Variants in AGPAT3 observed in about 807,000 individuals in gnomAD.
AGPAT3 encodes 1-acylglycerol-3-phosphate O-acyltransferase 3, also known as 1-acyl-sn-glycerol-3-phosphate acyltransferase gamma.
AGPAT3 carries 5 observed loss-of-function variants against 47.3 expected under a neutral mutation model. The observed-to-expected ratio is 0.11, with a 90% CI of 0.06 to 0.22. The LOEUF (loss-of-function observed/expected upper bound fraction) is 0.22. Ranked by LOEUF, AGPAT3 falls within the 10% of genes least tolerant of loss-of-function variation. The pLI, the probability that AGPAT3 is intolerant of heterozygous loss-of-function variation, is 1.00. For synonymous variants in AGPAT3, 212 were observed against 208.3 expected (o/e 1.02, Z -0.15); for missense variants, 315 against 493.0 (o/e 0.64, Z 3.42).
chr21:43,976,817 G>A (rs984582166), intron 7 of AGPAT3, among the ~76,000 whole-genome samples: 1 of 152,204 alleles, frequency 6.6e-6, no homozygotes, highest in Non-Finnish European at 1.5e-5. Context: ...CCTACCTGAC[G>A]TCTTGCCGTG....
At chr21:43,977,134 C>G (rs535371573) in intron 7 of AGPAT3, among the ~76,000 whole-genome samples, 1 of 152,128 alleles carries the variant, frequency 6.6e-6, no homozygotes, top group Non-Finnish European at 1.5e-5. Flanking sequence ...GTAGAGGTGT[C>G]AACTTGTGGG....
chr21:43,940,138 G>T (rs1221691416), intron 2 of AGPAT3, among the ~76,000 whole-genome samples: 1 of 152,234 alleles, frequency 6.6e-6, no homozygotes, highest in Non-Finnish European at 1.5e-5. Flanking sequence ...GCTCAGGCCA[G>T]GTCCTAATCC....
chr21:43,978,309 G>A (rs1369306306), intron 8 of AGPAT3, among the ~76,000 whole-genome samples, 188 bp downstream of exon 8: 1 of 151,306 alleles, frequency 6.6e-6, no homozygotes, highest in Non-Finnish European at 1.5e-5. Flanking sequence ...TTTTTGTTTT[G>A]TTTTGTTTTC....
chr21:43,952,314 C>T lies in AGPAT3; in HGVS notation c.-48-7320C>T, dbSNP rs1252493982. On this transcript the variant is annotated intron_variant, in intron 2 of 9. Transcript: ENST00000291572. This position sits in a 1 kb window ranked among gnomAD's most constrained non-coding sequence, Gnocchi z 5.6. ...CCGGTCAGATGGAATCAGCGCCCAC[C>T]CTGATGATATCATTTAACTTAATTA... 6.6e-6 allele frequency among the ~76,000 whole-genome samples: 1 copy of T among 152,156 alleles called. No individual in the cohort carries two copies. Among genetic ancestry groups the T allele is most frequent in the African/African-American group, 2.4e-5 (1 of 41,420 alleles).
At chr21:43,925,701 G>A (rs944544571) in intron 2 of AGPAT3, among the ~76,000 whole-genome samples, 10 of 152,204 alleles carry the variant, frequency 6.6e-5, no homozygotes, top group Admixed American at 5.9e-4. Context: ...GTGGCTTGTT[G>A]CCCCTGCACC....
chr21:43,903,010 A>G (rs2086394541), intron 1 of AGPAT3, among the ~76,000 whole-genome samples: 1 of 152,158 alleles, frequency 6.6e-6, no homozygotes, highest in South Asian at 2.1e-4. Context: ...CAAAAAAAAT[A>G]TGAATTTGTA....
Position 43,939,228 on chromosome 21 carries a change from G to A in AGPAT3, c.-48-20406G>A, listed in dbSNP as rs2087563080. ...AGAATGCACTGGCCGGGCCTCCAGG[G>A]GGCGCTCCCTTAGGAACACCCCATC... On this transcript the variant is annotated intron_variant, in intron 2 of 9. Coordinates refer to ENST00000291572, the MANE Select transcript of AGPAT3 (RefSeq NM_020132.5). The surrounding 1 kb of genome is among the most constrained non-coding windows in gnomAD (Gnocchi z 4.4). 6.6e-6 allele frequency among the ~76,000 whole-genome samples: 1 copy of A among 152,090 alleles called. No individual in the cohort carries two copies. Among genetic ancestry groups the A allele is most frequent in the Non-Finnish European group, 1.5e-5 (1 of 68,006 alleles).
At chr21:43,949,450 C>T (rs1256013420) in intron 2 of AGPAT3, among the ~76,000 whole-genome samples, 1 of 152,194 alleles carries the variant, frequency 6.6e-6, no homozygotes, top group Non-Finnish European at 1.5e-5. Flanking sequence ...TCAGACTAGC[C>T]CAAGCCACCA....
chr21:43,978,608 C>T (rs1330462055), intron 8 of AGPAT3, among the ~76,000 whole-genome samples: 2 of 152,238 alleles, frequency 1.3e-5, no homozygotes, highest in African/African-American at 2.4e-5. Flanking sequence ...CACACCTGGT[C>T]CCTTCTTCTT....
At chr21:43,942,063 A>G (rs1305279764) in intron 2 of AGPAT3, among the ~76,000 whole-genome samples, 1 of 152,194 alleles carries the variant, frequency 6.6e-6, no homozygotes, top group Non-Finnish European at 1.5e-5. Flanking sequence ...TCAGGTCTTC[A>G]GTAAGTTAGC....
At chr21:43,925,965 G>A (rs867415231) in intron 2 of AGPAT3, among the ~76,000 whole-genome samples, 55 of 152,376 alleles carry the variant, frequency 3.6e-4, no homozygotes, top group African/African-American at 1.3e-3. Flanking sequence ...GAGAAGCGGC[G>A]AGGCCCACGT....
chr21:43,964,249 G>T (rs575340076), intron 3 of AGPAT3, among the ~76,000 whole-genome samples: 1 of 152,058 alleles, frequency 6.6e-6, no homozygotes, highest in African/African-American at 2.4e-5. Flanking sequence ...GCCTGGCATG[G>T]TGGTGGGCAC....
intron 8 of AGPAT3, among the ~76,000 whole-genome samples, chr21:43,980,348 T>G: frequency 6.8e-6 from 1 of 146,818 alleles, no homozygotes. Context: ...CATCCTAGAG[T>G]CCCACGGGCT....
At chr21:43,870,680 C>T (rs2085606359) in intron 1 of AGPAT3, among the ~76,000 whole-genome samples, 1 of 152,316 alleles carries the variant, frequency 6.6e-6, no homozygotes, top group South Asian at 2.1e-4. Context: ...TGAGATCGTG[C>T]CACTGCACTC....
At chr21:43,973,500 C>T (rs956202255) in intron 7 of AGPAT3, among the ~76,000 whole-genome samples, 9 of 152,216 alleles carry the variant, frequency 5.9e-5, no homozygotes, top group African/African-American at 2.2e-4. Context: ...CAGCACTGGC[C>T]ATGGAGGAGC....
intron 2 of AGPAT3, among the ~76,000 whole-genome samples, chr21:43,950,515 T>A (rs1292157431): frequency 6.6e-6 from 1 of 152,252 alleles, no homozygotes; most frequent in Non-Finnish European, 1.5e-5. Flanking sequence ...CTTAGTAGTA[T>A]CTTCGCTGCT....
At chr21:43,976,913 C>T (rs1011704498) in intron 7 of AGPAT3, among the ~76,000 whole-genome samples, 6 of 152,154 alleles carry the variant, frequency 3.9e-5, no homozygotes, top group Admixed American at 1.3e-4. Context: ...TAGTCACCAC[C>T]GTCATCCTAG....
rs146790259 is a variant in AGPAT3, at chr21:43,873,463, T to C, written c.-112+8118T>C. On this transcript the variant is annotated intron_variant, in intron 1 of 9. Transcript: ENST00000291572. ...GAGAACACAGGGCTTCTGCATCCTC[T>C]GCCTCCCGGGTTCAAGCGATTCTCC... is the stretch of plus-strand genomic sequence containing the variant. Among the ~76,000 whole-genome samples the C allele has an allele frequency of 2.5e-4, 38 of 152,236 alleles. 1 individual carries two copies. The highest frequency in any genetic ancestry group is 7.5e-4 in the African/African-American group (31 of 41,534).
chr21:43,961,443 C>T (rs190148180), intron 3 of AGPAT3, among the ~76,000 whole-genome samples: 100 of 150,258 alleles, frequency 6.7e-4, no homozygotes, highest in Non-Finnish European at 1.1e-3. Flanking sequence ...CACTTTGTCT[C>T]ATGTGGGAAA....
Sources: allele counts gnomAD v4.1 joint callset (sites outside exome capture counted in the v4.1 genomes callset), GRCh38; gene constraint gnomAD v4.1.1; non-coding constraint Gnocchi (gnomAD v3.1); transcripts MANE v1.5; gene names NCBI Gene and HGNC (gene_info 2026-07-23, HGNC 2026-07-21).